SLC46A2: variants seen among roughly 807,000 people sequenced by gnomAD.
The protein encoded by SLC46A2 is solute carrier family 46 member 2.
Under a neutral mutation model 33.1 loss-of-function variants are expected in SLC46A2, and 25 were observed. The observed-to-expected ratio is 0.76, with a 90% CI of 0.55 to 1.06. The LOEUF is 1.06. SLC46A2 is among the 50% of genes least tolerant of loss of function. SLC46A2 has a pLI of 0.00. For missense variants in SLC46A2, 622 were observed against 621.7 expected, an observed-to-expected ratio of 1.00 and a Z score of 0.00; for synonymous variants, 254 against 275.9, an observed-to-expected ratio of 0.92 and a Z score of 0.79.
Position 112,885,606 on chromosome 9 carries a change from C to T in SLC46A2, c.1370+854G>A, listed in dbSNP as rs1049256015. The T allele has an allele frequency of 5.9e-4, 90 of 152,104 alleles. 2 individuals carry two copies. The highest frequency in any genetic ancestry group is 5.6e-3 in the Admixed American group (86 of 15,288). 9.4% of individuals were successfully genotyped at this position (152,104 alleles called of 1,614,324 possible). On this transcript the variant is annotated intron_variant, in intron 3 of 3. Coordinates refer to ENST00000374228, the MANE Select transcript of SLC46A2 (RefSeq NM_033051.4). ...GGGTTACTGAATACTTGAAATGTGA[C>T]GTCCAAATCTAGATGTACTGTAAGT...
At position 112,889,647 on chromosome 9, in the gene SLC46A2, A is replaced by G; in HGVS notation, c.1035T>C (p.Phe345=). The G allele has an allele frequency of 6.2e-7, 1 of 1,614,138 alleles. No individual in the cohort carries two copies. The change falls in exon 1 of 4, where the codon TTT becomes TTC. Residue 345 remains phenylalanine, a synonymous_variant. Coordinates refer to ENST00000374228, the MANE Select transcript of SLC46A2 (RefSeq NM_033051.4). ...CAATCATGATCATGGTGGTGTCCCG[A>G]AAGCAGCGGGAGAAGACCAGGACAC... The part of the protein sequence containing the change: ...FLGVLVFSRC[F]RDTTMIMIGM...
At chr9:112,881,283 G>A (rs1307375413) in intron 3 of SLC46A2, 1 of 152,168 alleles carries the variant, frequency 6.6e-6, no homozygotes, top group Non-Finnish European at 1.5e-5. Context: ...ACCTGGAGTT[G>A]CTAAAATGGG....
chr9:112,886,516 C>G lies in SLC46A2; in HGVS notation c.1314G>C (p.Val438=). The change falls in exon 3 of 4, where the codon GTG becomes GTC. Residue 438 remains valine, a synonymous_variant. Coordinates refer to ENST00000374228, the MANE Select transcript of SLC46A2 (RefSeq NM_033051.4). ...KIYQLTMDMF[V]GSCFALSSFL... ...AGGAGGAGAGAGCAAAGCAGGAGCCCACAAACATGTCCATGGTGAGCTGGT... is the reference window on the plus strand; with the variant it reads ...AGGAGGAGAGAGCAAAGCAGGAGCCGACAAACATGTCCATGGTGAGCTGGT... 6.2e-7 allele frequency: 1 copy of G among 1,614,170 alleles called. No individual in the cohort carries two copies. The highest frequency in any genetic ancestry group is 8.5e-7 in the Non-Finnish European group (1 of 1,180,036).
intron 1 of SLC46A2, 82 bp from the exon 2 acceptor site, chr9:112,887,495 C>T: frequency 8.2e-7 from 1 of 1,216,978 alleles, no homozygotes; most frequent in Non-Finnish European, 1.1e-6. Context: ...TCTCTTAGAA[C>T]CCCCATCTCC....
intron 3 of SLC46A2, among the ~76,000 whole-genome samples, chr9:112,884,416 C>A (rs1179662770): frequency 1.3e-5 from 2 of 152,192 alleles, no homozygotes; most frequent in African/African-American, 4.8e-5. Flanking sequence ...CAGCCTTGGC[C>A]CCTCCTAGCT....
chr9:112,886,706 C>G, intron 2 of SLC46A2, 90 bp from the exon 3 acceptor site: 3 of 1,365,914 alleles, frequency 2.2e-6, no homozygotes, highest in Non-Finnish European at 3.1e-6. Context: ...CTTAGGGGAC[C>G]CTTCCTTCTT....
At position 112,886,647 on chromosome 9, in the gene SLC46A2, G is replaced by T. The variant is rs141930369; in HGVS notation, c.1214-31C>A. On this transcript the variant is annotated intron_variant, in intron 2 of 3. Transcript: ENST00000374228. ...GAAGGGACAGAGGTTACTCCGGAGTGCCTTGCTGTCCCTGCCTCACTCCCC... is the reference window on the plus strand; with the variant it reads ...GAAGGGACAGAGGTTACTCCGGAGTTCCTTGCTGTCCCTGCCTCACTCCCC... The T allele has an allele frequency of 7.4e-6, 12 of 1,612,124 alleles. No homozygotes were observed. In the East Asian group the frequency reaches 2.7e-4, roughly 36 times the overall value.
At position 112,890,874 on chromosome 9, in the gene SLC46A2, T is replaced by A; in HGVS notation, c.-193A>T. The A allele has an allele frequency of 1.4e-6, 1 of 690,040 alleles. No individual in the cohort carries two copies. The highest frequency in any genetic ancestry group is 2.3e-6 in the Non-Finnish European group (1 of 432,420). 42.7% of individuals were successfully genotyped at this position (690,040 alleles called of 1,614,324 possible). A position where few individuals can be genotyped will look rare whatever the true frequency, so the allele number is the denominator to read the frequency against. On this transcript the variant is annotated 5_prime_UTR_variant, in exon 1 of 4. Transcript: ENST00000374228. The surrounding 1 kb of genome is among the most constrained non-coding windows in gnomAD (Gnocchi z 6.0). ...GAGCAGAGCCAGGGCACGCAGCGCCTGTGACAGCAGCCCGCCCAGCAGCCG... is the reference window on the plus strand; with the variant it reads ...GAGCAGAGCCAGGGCACGCAGCGCCAGTGACAGCAGCCCGCCCAGCAGCCG...
chr9:112,890,467 C>G lies in SLC46A2; in HGVS notation c.215G>C (p.Arg72Thr), dbSNP rs1343242472. ...PRGALEDQQQ[R>T]AISNFYIIYN... The stretch of plus-strand genomic sequence containing the variant: ...GATAATGTAGAAATTGGAGATGGCT[C>G]TCTGCTGTTGGTCCTCTAGAGCCCC... The change falls in exon 1 of 4, where the codon AGA becomes ACA. Residue 72 changes from arginine (R) to threonine (T), a missense_variant. Arg to Thr is a moderately conservative substitution (Grantham distance 71, BLOSUM62 -1). Coordinates refer to ENST00000374228, the MANE Select transcript of SLC46A2 (RefSeq NM_033051.4). This position sits in a 1 kb window ranked among gnomAD's most constrained non-coding sequence, Gnocchi z 6.0. The G allele has an allele frequency of 1.9e-6, 3 of 1,614,236 alleles. No homozygotes were observed. Among genetic ancestry groups the G allele is most frequent in the East Asian group, 4.5e-5 (2 of 44,876 alleles).
intron 3 of SLC46A2, among the ~76,000 whole-genome samples, chr9:112,883,700 C>T (rs1247832281): frequency 6.6e-5 from 8 of 121,322 alleles, no homozygotes; most frequent in Admixed American, 1.7e-4. Flanking sequence ...TTTTTCTTTT[C>T]TTTTTTTTTT....
chr9:112,889,531 T>G, intron 1 of SLC46A2, 22 bp downstream of exon 1: 1 of 1,581,478 alleles, frequency 6.3e-7, no homozygotes, highest in Non-Finnish European at 8.6e-7. Flanking sequence ...ATGTCCTGCC[T>G]CCTCAAGAAT....
At chr9:112,888,361 A>T (rs1033393050) in intron 1 of SLC46A2, among the ~76,000 whole-genome samples, 1 of 152,142 alleles carries the variant, frequency 6.6e-6, no homozygotes, top group Non-Finnish European at 1.5e-5. Context: ...ACTCTGTCCT[A>T]TGCTGTTTAA....
rs781078234 is a variant in SLC46A2 at position 112,886,545 on chromosome 9, T to C, written c.1285A>G (p.Ile429Val). 1.1e-5 allele frequency: 18 copies of C among 1,614,146 alleles called. No individual in the cohort carries two copies. Among genetic ancestry groups the C allele is most frequent in the Non-Finnish European group, 1.4e-5 (16 of 1,180,026 alleles). ...AACATGTCCATGGTGAGCTGGTAGATCTTGTTGTACAAGGTGGATGTCACC... is the reference window on the plus strand; with the variant it reads ...AACATGTCCATGGTGAGCTGGTAGACCTTGTTGTACAAGGTGGATGTCACC... Reference protein sequence around the residue: ...GVVTSTLYNKIYQLTMDMFVG... With the variant: ...GVVTSTLYNKVYQLTMDMFVG... Residue 429 changes from isoleucine (I) to valine (V), a missense_variant, in exon 3 of 4, where the codon ATC becomes GTC. Coordinates refer to ENST00000374228, the MANE Select transcript of SLC46A2 (RefSeq NM_033051.4).
intron 1 of SLC46A2, among the ~76,000 whole-genome samples, chr9:112,889,114 C>T (rs920102021): frequency 2.6e-5 from 4 of 152,264 alleles, no homozygotes; most frequent in Admixed American, 2.6e-4. Flanking sequence ...TGGTCTTGAA[C>T]TCCTGGCCTC....
At chr9:112,885,688 T>C (rs1055691255) in intron 3 of SLC46A2, 1 of 152,208 alleles carries the variant, frequency 6.6e-6, no homozygotes, top group African/African-American at 2.4e-5. Context: ...AAATACCTCA[T>C]TGACACATTT....
At chr9:112,880,885 A>T (rs974714950) in intron 3 of SLC46A2, among the ~76,000 whole-genome samples, 1 of 152,168 alleles carries the variant, frequency 6.6e-6, no homozygotes, top group Non-Finnish European at 1.5e-5. Flanking sequence ...GGTTCATTCC[A>T]GTCTTGCAAG....
rs764973566 is a variant in SLC46A2, at chr9:112,889,921, C to T, written c.761G>A (p.Arg254His). The T allele has an allele frequency of 1.4e-5, 23 of 1,614,082 alleles. No homozygotes were observed. The highest frequency in any genetic ancestry group is 6.7e-5 in the Admixed American group (4 of 60,006). Reference protein sequence around the residue: ...DTVSGTVGTYRTLDPDQLDQQ... With the variant: ...DTVSGTVGTYHTLDPDQLDQQ... Reference sequence around the variant, plus strand: ...GTCCAACTGATCAGGATCCAGAGTGCGGTATGTGCCAACCGTGCCAGACAC... The same window carrying T: ...GTCCAACTGATCAGGATCCAGAGTGTGGTATGTGCCAACCGTGCCAGACAC... Residue 254 changes from arginine to histidine, a missense_variant, in exon 1 of 4, where the codon CGC (arginine) becomes CAC (histidine). Physicochemically the swap from Arg to His is conservative, Grantham distance 29 (BLOSUM62 0). Coordinates refer to ENST00000374228, the MANE Select transcript of SLC46A2 (RefSeq NM_033051.4).
At chr9:112,886,015 C>T (rs547174995) in intron 3 of SLC46A2, among the ~76,000 whole-genome samples, 16 of 152,294 alleles carry the variant, frequency 1.1e-4, no homozygotes, top group East Asian at 3.9e-4. Context: ...CACAGTCCAG[C>T]GGCTGGGAGA....
In SLC46A2 at chr9:112,886,626, G is replaced by A; in HGVS notation, c.1214-10C>T. 1.2e-6 allele frequency: 2 copies of A among 1,613,680 alleles called. No homozygotes were observed. The highest frequency in any genetic ancestry group is 1.7e-6 in the Non-Finnish European group (2 of 1,179,842). On this transcript the variant is annotated splice_polypyrimidine_tract_variant and intron_variant, in intron 2 of 3. Transcript: ENST00000374228. Reference sequence around the variant, plus strand: ...ATGACGAACACCTTTCCTGTGGAAGGGACAGAGGTTACTCCGGAGTGCCTT... The same window carrying A: ...ATGACGAACACCTTTCCTGTGGAAGAGACAGAGGTTACTCCGGAGTGCCTT...
Sources: gnomAD v4.1 joint callset for allele counts (sites outside exome capture counted in the v4.1 genomes callset) on GRCh38, gnomAD v4.1.1 for gene constraint, Gnocchi (gnomAD v3.1) non-coding constraint, MANE v1.5 for transcripts, NCBI Gene and HGNC (gene_info 2026-07-23, HGNC 2026-07-21) for gene names.